The following BTBD8 variants were observed in gnomAD, a reference collection of about 807,000 sequenced individuals.
The protein encoded by BTBD8 is BTB/POZ domain-containing protein 8.
In BTBD8, 110 loss-of-function variants were observed where a neutral mutation model predicts 162.9. The ratio of observed to expected loss-of-function variants is 0.68; its 90% CI spans 0.58 to 0.79. The LOEUF is 0.79. BTBD8 is among the 30% of genes least tolerant of loss of function. BTBD8 has a pLI of 0.00. For synonymous variants in BTBD8, 667 were observed against 716.1 expected (o/e 0.93, Z 1.10); for missense variants, 1,905 against 2,085.4 (o/e 0.91, Z 1.68).
At position 92,080,559 on chromosome 1, in the gene BTBD8, A is replaced by G. The variant is rs765143591; in HGVS notation, c.-13A>G. ...AAGTACTGGGCCTCCAGGGCGTCGT[A>G]CCTCTGTGAGACATGGCTCGCTGTG... On this transcript the variant is annotated 5_prime_UTR_variant, in exon 1 of 18. Transcript: ENST00000636805. 8.7e-6 allele frequency: 14 copies of G among 1,613,004 alleles called. No individual in the cohort carries two copies. Among genetic ancestry groups the G allele is most frequent in the East Asian group, 2.2e-5 (1 of 44,788 alleles).
At chr1:92,112,991 A>G (rs1648938970) in intron 4 of BTBD8, among the ~76,000 whole-genome samples, 1 of 152,212 alleles carries the variant, frequency 6.6e-6, no homozygotes, top group African/African-American at 2.4e-5. Context: ...TAGTTCAGCT[A>G]ACATTAGGAA....
chr1:92,145,936 G>A (rs1425712552), intron 7 of BTBD8, among the ~76,000 whole-genome samples: 3 of 151,542 alleles, frequency 2.0e-5, no homozygotes, highest in Non-Finnish European at 2.9e-5. Flanking sequence ...AGCTGAGATC[G>A]CACCACTGCA....
chr1:92,082,357 G>T (rs1648041069), intron 1 of BTBD8, among the ~76,000 whole-genome samples: 1 of 152,130 alleles, frequency 6.6e-6, no homozygotes, highest in Non-Finnish European at 1.5e-5. Context: ...CACGTACCTA[G>T]CCCGGTACTA....
intron 4 of BTBD8, among the ~76,000 whole-genome samples, chr1:92,120,289 G>A (rs1207252997): frequency 6.6e-6 from 1 of 152,148 alleles, no homozygotes; most frequent in East Asian, 1.9e-4. Flanking sequence ...CCTACACAGA[G>A]CCAGGATTAT....
intron 16 of BTBD8, among the ~76,000 whole-genome samples, chr1:92,179,294 A>G (rs1055863083): frequency 1.3e-5 from 2 of 152,080 alleles, no homozygotes; most frequent in Admixed American, 6.6e-5. Context: ...AGTCTAAACA[A>G]CTATAATACA....
intron 5 of BTBD8, among the ~76,000 whole-genome samples, chr1:92,138,783 A>C (rs1270100510): frequency 6.6e-6 from 1 of 152,238 alleles, no homozygotes; most frequent in Non-Finnish European, 1.5e-5. Context: ...GGGAGTAAGA[A>C]GAAGGTCATG....
Position 92,181,203 on chromosome 1 carries a change from A to C in BTBD8, c.3520A>C (p.Thr1174Pro), listed in dbSNP as rs1650891945. 6.4e-7 allele frequency: 1 copy of C among 1,551,762 alleles called. No individual in the cohort carries two copies. The highest frequency in any genetic ancestry group is 1.4e-5 in the African/African-American group (1 of 73,196). Residue 1174 changes from threonine to proline, a missense_variant, in exon 17 of 18, where the codon ACA becomes CCA. Transcript: ENST00000636805. ...KKSKVPVEGL[T>P]IPSKLSDESA... ...ATCGAAAGTTCCTGTGGAAGGACTG[A>C]CAATTCCTAGTAAGTTGTCAGATGA...
intron 3 of BTBD8, among the ~76,000 whole-genome samples, chr1:92,105,227 C>T (rs941058725): frequency 3.3e-5 from 5 of 151,940 alleles, no homozygotes; most frequent in South Asian, 4.2e-4. Flanking sequence ...CCACTGTGCC[C>T]GGCCCCTTAT....
At chr1:92,172,330 C>A (rs1223960232) in intron 13 of BTBD8, among the ~76,000 whole-genome samples, 1 of 152,126 alleles carries the variant, frequency 6.6e-6, no homozygotes, top group African/African-American at 2.4e-5. Context: ...GAAAAGTTTT[C>A]TGTTGTGCAA....
At chr1:92,080,848 C>A in intron 1 of BTBD8, 128 bp downstream of exon 1, 1 of 1,422,062 alleles carries the variant, frequency 7.0e-7, no homozygotes, top group Non-Finnish European at 9.4e-7. Flanking sequence ...CAGGCGACTG[C>A]GGGTCGTTAG....
rs150878879 is a variant in BTBD8, at chr1:92,137,812, T to A, written c.753-1538T>A. Among the ~76,000 whole-genome samples the A allele has an allele frequency of 2.5e-3, 386 of 152,266 alleles. 3 individuals carry two copies. The highest frequency in any genetic ancestry group is 4.4e-3 in the Non-Finnish European group (300 of 68,004). ...GCCTAAGTCTAAACACAAAATTTAT[T>A]TATGTTTCGTATACACTGTCAAATT... On this transcript the variant is annotated intron_variant, in intron 5 of 17. Transcript: ENST00000636805.
chr1:92,173,704 G>A (rs1050819201), intron 13 of BTBD8, among the ~76,000 whole-genome samples: 2 of 152,092 alleles, frequency 1.3e-5, no homozygotes, highest in East Asian at 1.9e-4. Flanking sequence ...TCAAATTTTG[G>A]CTTTGCATTT....
intron 3 of BTBD8, among the ~76,000 whole-genome samples, chr1:92,106,711 C>G (rs989894696): frequency 1.4e-5 from 2 of 144,428 alleles, no homozygotes; most frequent in African/African-American, 2.6e-5. Flanking sequence ...TATAGGGGCC[C>G]CTACAAACCA....
intron 2 of BTBD8, among the ~76,000 whole-genome samples, chr1:92,097,923 C>T (rs1157589105): frequency 6.6e-6 from 1 of 152,142 alleles, no homozygotes; most frequent in Non-Finnish European, 1.5e-5. Context: ...AGGGTCTTCT[C>T]CTGGTGGGAG....
At chr1:92,103,676 A>C (rs1268241942) in intron 3 of BTBD8, among the ~76,000 whole-genome samples, 1 of 152,180 alleles carries the variant, frequency 6.6e-6, no homozygotes, top group East Asian at 1.9e-4. Flanking sequence ...AGACAGAAAG[A>C]CCTTTCTTTG....
At chr1:92,091,402 C>T (rs1256892832) in intron 2 of BTBD8, among the ~76,000 whole-genome samples, 1 of 152,152 alleles carries the variant, frequency 6.6e-6, no homozygotes, top group East Asian at 1.9e-4. Flanking sequence ...ATAAATTACG[C>T]TGTCTCAGGT....
rs1212151436 is a variant in BTBD8, at chr1:92,176,949, G to A, written c.1756G>A (p.Ala586Thr). 2 of 1,544,450 alleles carry A rather than the reference G, an allele frequency of 1.3e-6. No homozygotes were observed. Among genetic ancestry groups the A allele is most frequent in the Non-Finnish European group, 1.8e-6 (2 of 1,142,686 alleles). The change falls in exon 14 of 18, where the codon GCA becomes ACA. Residue 586 changes from alanine to threonine, a missense_variant. By Grantham distance (58) the Ala-to-Thr change is moderately conservative. Around this residue, in one of 3 missense-constraint regions of BTBD8, gnomAD observed 1,374 missense variants for 1,442.7 expected, o/e 0.95. Coordinates refer to ENST00000636805, the MANE Select transcript of BTBD8 (RefSeq NM_001376131.1). The stretch of plus-strand genomic sequence containing the variant: ...AAAGATGAAATCTGATGGATTAGGA[G>A]CATCTGGACATTCGTCAAGTACCAA... ...NKKMKSDGLG[A>T]SGHSSSTNRN...
At chr1:92,105,632 C>T (rs1018286330) in intron 3 of BTBD8, among the ~76,000 whole-genome samples, 6 of 152,238 alleles carry the variant, frequency 3.9e-5, no homozygotes, top group African/African-American at 1.4e-4. Flanking sequence ...CTGATCTTCA[C>T]CAGAGCTACT....
intron 9 of BTBD8, among the ~76,000 whole-genome samples, chr1:92,161,692 G>T (rs1650278121): frequency 6.6e-6 from 1 of 152,178 alleles, no homozygotes; most frequent in South Asian, 2.1e-4. Context: ...TCAGAATGAT[G>T]AAAATAAATT....
Sources: allele counts gnomAD v4.1 joint callset (sites outside exome capture counted in the v4.1 genomes callset), GRCh38; gene constraint gnomAD v4.1.1; regional missense constraint gnomAD v4.1.1; transcripts MANE v1.5; gene names NCBI Gene and HGNC (gene_info 2026-07-23, HGNC 2026-07-21).